Variants in GSG1L observed in about 807,000 individuals in gnomAD.
The protein encoded by GSG1L is germ cell-specific gene 1-like protein.
Under a neutral mutation model 42.1 loss-of-function variants are expected in GSG1L, and 24 were observed. The observed-to-expected ratio is 0.57, with a 90% CI of 0.41 to 0.80. The LOEUF (loss-of-function observed/expected upper bound fraction) is 0.80. Among genes scored for constraint, GSG1L ranks in the 30% least tolerant of loss-of-function variants. GSG1L has a pLI of 0.00. For missense variants in GSG1L, 445 were observed against 472.2 expected (o/e 0.94, Z 0.53); for synonymous variants, 215 against 203.5 (o/e 1.06, Z -0.48).
At chr16:27,801,106 C>T (rs543294020) in intron 6 of GSG1L, among the ~76,000 whole-genome samples, 1 of 152,060 alleles carries the variant, frequency 6.6e-6, no homozygotes, top group African/African-American at 2.4e-5. Flanking sequence ...ACAGCAAGTG[C>T]AAGGGTCCTA....
intron 4 of GSG1L, among the ~76,000 whole-genome samples, chr16:27,837,460 C>A (rs1414930942): frequency 6.6e-6 from 1 of 152,198 alleles, no homozygotes; most frequent in East Asian, 1.9e-4. Context: ...AGTTCTGACT[C>A]CCCATTAGGC....
At chr16:27,874,441 C>T (rs1321034594) in intron 3 of GSG1L, among the ~76,000 whole-genome samples, 18 of 94,466 alleles carry the variant, frequency 1.9e-4, no homozygotes, top group South Asian at 3.8e-4. Flanking sequence ...ACAGGAGAGC[C>T]TTTTTTTTTT....
chr16:27,876,217 G>C (rs2083885558), intron 3 of GSG1L, among the ~76,000 whole-genome samples: 1 of 152,156 alleles, frequency 6.6e-6, no homozygotes, highest in Non-Finnish European at 1.5e-5. Context: ...GGTTATGGGT[G>C]GGGGATTCTT....
intron 3 of GSG1L, among the ~76,000 whole-genome samples, chr16:27,873,103 A>G (rs1037635199): frequency 2.0e-5 from 3 of 152,222 alleles, no homozygotes; most frequent in Non-Finnish European, 4.4e-5. Context: ...TCCAGTAACA[A>G]TAGCGCTGGA....
intron 1 of GSG1L, among the ~76,000 whole-genome samples, chr16:27,966,403 G>A (rs1286654505): frequency 1.3e-5 from 2 of 152,156 alleles, no homozygotes; most frequent in Admixed American, 1.3e-4. Flanking sequence ...TACTGGGGAG[G>A]CTGAGGCAGG....
At chr16:28,046,645 A>C (rs1221955486) in intron 1 of GSG1L, among the ~76,000 whole-genome samples, 1 of 151,940 alleles carries the variant, frequency 6.6e-6, no homozygotes, top group Non-Finnish European at 1.5e-5. Flanking sequence ...TGAGCCACCA[A>C]GCCCGGCCCG....
chr16:27,819,825 A>C lies in GSG1L; in HGVS notation c.830+8964T>G, dbSNP rs185408155. 4.1e-3 allele frequency among the ~76,000 whole-genome samples: 619 copies of C among 152,312 alleles called. 6 individuals are homozygous for C. The highest frequency in any genetic ancestry group is 0.014 in the African/African-American group (568 of 41,552). Reference sequence around the variant, plus strand: ...CCCTGATGACGTTAGCATATTGAGGAGGCATTGCAGCTTCTGGGGTGAGAG... The same window carrying C: ...CCCTGATGACGTTAGCATATTGAGGCGGCATTGCAGCTTCTGGGGTGAGAG... On this transcript the variant is annotated intron_variant, in intron 5 of 6. Coordinates refer to ENST00000447459, the MANE Select transcript of GSG1L (RefSeq NM_001109763.2).
chr16:27,856,672 GTGATAC>G (rs1351966599), intron 3 of GSG1L, among the ~76,000 whole-genome samples: 2 of 152,228 alleles, frequency 1.3e-5, no homozygotes, highest in Non-Finnish European at 2.9e-5. Context: ...TTTATTGCAA[GTGATAC>G]TGGCTTTTCA....
At chr16:27,885,256 C>G (rs1196603856) in intron 2 of GSG1L, among the ~76,000 whole-genome samples, 1 of 152,018 alleles carries the variant, frequency 6.6e-6, no homozygotes. Flanking sequence ...CTCAAGCCAT[C>G]CTACCACCTC....
intron 2 of GSG1L, among the ~76,000 whole-genome samples, chr16:27,944,252 A>AAAAT (rs1313703923): frequency 5.9e-5 from 9 of 152,224 alleles, no homozygotes; most frequent in African/African-American, 1.4e-4. Flanking sequence ...AAAGGTTTTA[A>AAAAT]AAATAAATAA....
chr16:27,798,870 G>A (rs1187974983), intron 6 of GSG1L, among the ~76,000 whole-genome samples: 3 of 152,034 alleles, frequency 2.0e-5, no homozygotes, highest in African/African-American at 4.8e-5. Context: ...TGACCCCAAG[G>A]TCACAAGCTT....
chr16:27,919,860 A>G (rs977499770), intron 2 of GSG1L, among the ~76,000 whole-genome samples: 7 of 152,356 alleles, frequency 4.6e-5, no homozygotes, highest in Middle Eastern at 3.4e-3. Flanking sequence ...AGAAAAACCC[A>G]TATCTTTCAA....
chr16:27,987,062 C>A (rs1269014883), intron 1 of GSG1L, among the ~76,000 whole-genome samples: 1 of 152,004 alleles, frequency 6.6e-6, no homozygotes, highest in Non-Finnish European at 1.5e-5. Flanking sequence ...ACTAAAAATA[C>A]AAAAATTAGC....
intron 1 of GSG1L, among the ~76,000 whole-genome samples, chr16:28,061,364 G>C (rs947073342): frequency 2.6e-5 from 4 of 152,176 alleles, no homozygotes; most frequent in African/African-American, 9.7e-5. Context: ...GTGTAAACCA[G>C]AAGTGGGTCT....
At chr16:27,824,300 A>G (rs2083183442) in intron 5 of GSG1L, among the ~76,000 whole-genome samples, 1 of 152,186 alleles carries the variant, frequency 6.6e-6, no homozygotes, top group South Asian at 2.1e-4. Flanking sequence ...CTCACCCCAA[A>G]TTACATAGCA....
intron 3 of GSG1L, among the ~76,000 whole-genome samples, chr16:27,861,593 T>C (rs2083652790): frequency 6.6e-6 from 1 of 152,128 alleles, no homozygotes; most frequent in South Asian, 2.1e-4. Flanking sequence ...GGAAACACCC[T>C]GAAAGTCTAC....
At chr16:27,963,245 C>T (rs767286571) in intron 1 of GSG1L, 42 bp from the exon 2 acceptor site, 14 of 1,578,972 alleles carry the variant, frequency 8.9e-6, no homozygotes, top group Middle Eastern at 1.7e-4. Flanking sequence ...TGAGAGGACA[C>T]GTGGGCTTCC....
intron 4 of GSG1L, among the ~76,000 whole-genome samples, chr16:27,830,378 A>C (rs1362996778): frequency 3.3e-5 from 5 of 152,052 alleles, no homozygotes; most frequent in Non-Finnish European, 5.9e-5. Flanking sequence ...CCCCATGGTC[A>C]ATGAAGCCCA....
At chr16:27,936,467 G>T (rs1418752769) in intron 2 of GSG1L, among the ~76,000 whole-genome samples, 1 of 152,166 alleles carries the variant, frequency 6.6e-6, no homozygotes, top group Non-Finnish European at 1.5e-5. Context: ...TCCGTCTCTT[G>T]CCTCCTCTCT....
Sources: allele counts gnomAD v4.1 joint callset (sites outside exome capture counted in the v4.1 genomes callset), GRCh38; gene constraint gnomAD v4.1.1; transcripts MANE v1.5; gene names NCBI Gene and HGNC (gene_info 2026-07-23, HGNC 2026-07-21).